AKAP19: variants seen among roughly 807,000 people sequenced by gnomAD.
AKAP19 encodes the protein A-kinase anchoring protein 19.
At chr2:189,979,717 A>C in the AKAP19 span, among the ~76,000 whole-genome samples, 2 of 152,168 alleles carry the variant, frequency 1.3e-5, no homozygotes, top group Non-Finnish European at 2.9e-5. Context: ...AACTTAAACA[A>C]ATCAACAAGA....
chr2:189,931,308 A>C, the AKAP19 span, among the ~76,000 whole-genome samples: 4 of 152,120 alleles, frequency 2.6e-5, no homozygotes, highest in African/African-American at 9.7e-5. Context: ...CACAATCATA[A>C]TATAATAATT....
chr2:190,062,589 T>G, the AKAP19 span: 3 of 1,611,340 alleles, frequency 1.9e-6, no homozygotes, highest in South Asian at 3.3e-5. Flanking sequence ...GAGTTGCAGT[T>G]TTTGCATGAT....
chr2:190,005,998 A>G, the AKAP19 span, among the ~76,000 whole-genome samples: 2 of 152,228 alleles, frequency 1.3e-5, no homozygotes, highest in Non-Finnish European at 2.9e-5. Flanking sequence ...CTAATGCTCA[A>G]TACATATTAA....
At chr2:189,954,936 CT>C in the AKAP19 span, among the ~76,000 whole-genome samples, 4 of 151,828 alleles carry the variant, frequency 2.6e-5, no homozygotes, top group African/African-American at 9.7e-5. Flanking sequence ...TTAGCAAATT[CT>C]TTTTTAAAAA....
At chr2:189,994,785 G>A in the AKAP19 span, among the ~76,000 whole-genome samples, 1 of 152,022 alleles carries the variant, frequency 6.6e-6, no homozygotes, top group East Asian at 1.9e-4. Flanking sequence ...TTTTAGTAAA[G>A]ACAGGGTTTT....
the AKAP19 span, among the ~76,000 whole-genome samples, chr2:189,880,181 CCT>C: frequency 6.6e-6 from 1 of 152,114 alleles, no homozygotes; most frequent in Non-Finnish European, 1.5e-5. Flanking sequence ...GCCACTTTTC[CCT>C]CTCCAAATTC....
At chr2:190,142,506 C>T in the AKAP19 span, among the ~76,000 whole-genome samples, 3 of 152,182 alleles carry the variant, frequency 2.0e-5, no homozygotes, top group African/African-American at 7.2e-5. Flanking sequence ...GCCAGTGTTC[C>T]CACTTCAGAA....
the AKAP19 span, among the ~76,000 whole-genome samples, chr2:189,887,810 G>T: frequency 7.3e-5 from 11 of 150,258 alleles, no homozygotes; most frequent in Non-Finnish European, 1.2e-4. Flanking sequence ...CTTTTTGATG[G>T]TTTTTTTTTC....
chr2:190,175,538 GGA>G, the AKAP19 span, among the ~76,000 whole-genome samples: 1 of 152,168 alleles, frequency 6.6e-6, no homozygotes, highest in South Asian at 2.1e-4. Context: ...AGTTACACCT[GGA>G]GAACCAGAAT....
At chr2:189,941,971 A>T in the AKAP19 span, among the ~76,000 whole-genome samples, 1 of 152,194 alleles carries the variant, frequency 6.6e-6, no homozygotes, top group African/African-American at 2.4e-5. Context: ...GATGGAAAAA[A>T]AGTATTCCAT....
At chr2:190,176,508 C>T in the AKAP19 span, among the ~76,000 whole-genome samples, 6 of 152,010 alleles carry the variant, frequency 3.9e-5, no homozygotes, top group South Asian at 4.2e-4. This position sits in a 1 kb window ranked among gnomAD's most constrained non-coding sequence, Gnocchi z 4.7. Context: ...CCACCACACC[C>T]GGCTAATTTT....
the AKAP19 span, among the ~76,000 whole-genome samples, chr2:190,082,865 T>C: frequency 6.6e-6 from 1 of 152,200 alleles, no homozygotes; most frequent in African/African-American, 2.4e-5. Context: ...ATTTATTGTG[T>C]TTCTACTTGT....
chr2:190,166,358 C>G, the AKAP19 span, among the ~76,000 whole-genome samples: 6 of 98,508 alleles, frequency 6.1e-5, no homozygotes. Flanking sequence ...GTCTGCTACA[C>G]TTTTGCAAAA....
the AKAP19 span, among the ~76,000 whole-genome samples, chr2:190,168,497 G>C: frequency 6.7e-6 from 1 of 149,172 alleles, no homozygotes; most frequent in East Asian, 2.0e-4. Flanking sequence ...CAGCTGGCTT[G>C]AATTTCTCCT....
the AKAP19 span, among the ~76,000 whole-genome samples, chr2:189,975,570 G>T: frequency 2.6e-5 from 4 of 152,222 alleles, no homozygotes; most frequent in African/African-American, 4.8e-5. Context: ...ATATCCTGCA[G>T]AGTGTTTTCC....
At chr2:190,132,867 T>C in the AKAP19 span, among the ~76,000 whole-genome samples, 3 of 152,180 alleles carry the variant, frequency 2.0e-5, no homozygotes, top group African/African-American at 7.2e-5. Flanking sequence ...TGGGTGAAGA[T>C]ATTTGCAAAC....
chr2:189,930,714 A>C, the AKAP19 span: 2 of 568,352 alleles, frequency 3.5e-6, no homozygotes, highest in South Asian at 4.8e-5. Context: ...GGTCCCCATA[A>C]ACAAAGTCCA....
the AKAP19 span, among the ~76,000 whole-genome samples, chr2:190,117,001 G>T: frequency 2.6e-5 from 4 of 152,192 alleles, no homozygotes; most frequent in African/African-American, 9.7e-5. Context: ...TCACATCCCA[G>T]CTCATGAGAC....
chr2:190,164,004 T>C, the AKAP19 span: 1 of 152,218 alleles, frequency 6.6e-6, no homozygotes, highest in African/African-American at 2.4e-5. Flanking sequence ...GGAAACCATA[T>C]ATTGGGCTCA....
Sources: allele counts gnomAD v4.1 joint callset (sites outside exome capture counted in the v4.1 genomes callset), GRCh38; gene constraint gnomAD v4.1.1; non-coding constraint Gnocchi (gnomAD v3.1); transcripts MANE v1.5; gene names NCBI Gene and HGNC (gene_info 2026-07-23, HGNC 2026-07-21).